PCDHA3: variants seen among roughly 807,000 people sequenced by gnomAD.
PCDHA3 encodes protocadherin alpha-3.
In PCDHA3, 41 loss-of-function variants were observed where a neutral mutation model predicts 62.2. The ratio of observed to expected loss-of-function variants is 0.66; its 90% CI spans 0.51 to 0.86. PCDHA3 has a LOEUF of 0.86. PCDHA3 is among the 40% of genes least tolerant of loss of function. The probability of loss-of-function intolerance (pLI) is 0.00; values close to 1 mark genes in which losing one functional copy is unlikely to be tolerated. For missense variants in PCDHA3, 1,304 were observed against 1,241.2 expected, an observed-to-expected ratio of 1.05 and a Z score of -0.76; for synonymous variants, 640 against 555.4, an observed-to-expected ratio of 1.15 and a Z score of -2.14.
chr5:140,882,658 G>A (rs2059245402), intron 1 of PCDHA3: 3 of 1,614,148 alleles, frequency 1.9e-6, no homozygotes, highest in Middle Eastern at 1.7e-4. Context: ...ACGACAACCC[G>A]CCCATATTCC....
In PCDHA3 at chr5:140,849,851, A is replaced by G. The variant is rs148732691; in HGVS notation, c.2394+46260A>G. 6 of 1,598,254 alleles carry G rather than the reference A, an allele frequency of 3.8e-6. 1 individual carries two copies. The highest frequency in any genetic ancestry group is 2.2e-5 in the East Asian group (1 of 44,844). On this transcript the variant is annotated intron_variant, in intron 1 of 3. Coordinates refer to ENST00000522353, the MANE Select transcript of PCDHA3 (RefSeq NM_018906.3). ...AGGTGGCCGACGTGAACGACAACGC[A>G]CCAGCGTTCGCGCAGTCCGAGTACA...
At chr5:140,843,068 C>G in intron 1 of PCDHA3, 1 of 1,595,216 alleles carries the variant, frequency 6.3e-7, no homozygotes, top group East Asian at 2.2e-5. Context: ...GCTGGTGCCG[C>G]GGTCTGTGGG....
At chr5:140,863,397 C>T in intron 1 of PCDHA3, 1 of 873,170 alleles carries the variant, frequency 1.1e-6, no homozygotes, top group Admixed American at 1.9e-5. Flanking sequence ...GCATGCCGGG[C>T]AAGCCCACGC....
chr5:140,939,903 CT>C (rs1485545948), intron 1 of PCDHA3, among the ~76,000 whole-genome samples: 1 of 152,046 alleles, frequency 6.6e-6, no homozygotes, highest in Non-Finnish European at 1.5e-5. Context: ...ATTCTGCATT[CT>C]TTTTTATTCT....
At chr5:140,881,471 G>T (rs1420508750) in intron 1 of PCDHA3, 1 of 555,772 alleles carries the variant, frequency 1.8e-6, no homozygotes, top group Non-Finnish European at 2.3e-6. Flanking sequence ...CATTGTTGTG[G>T]CTAAATTATT....
At chr5:140,873,642 G>A (rs1217578025) in intron 1 of PCDHA3, among the ~76,000 whole-genome samples, 1 of 152,154 alleles carries the variant, frequency 6.6e-6, no homozygotes, top group Non-Finnish European at 1.5e-5. Flanking sequence ...GAGTATGTGA[G>A]AACTACATAA....
intron 1 of PCDHA3, among the ~76,000 whole-genome samples, chr5:140,938,890 C>T (rs979482011): frequency 5.9e-5 from 9 of 152,080 alleles, no homozygotes; most frequent in Non-Finnish European, 8.8e-5. Flanking sequence ...CACACACACA[C>T]AGATGCGCAC....
intron 3 of PCDHA3, among the ~76,000 whole-genome samples, chr5:140,988,599 G>A (rs782117836): frequency 6.6e-6 from 1 of 152,154 alleles, no homozygotes; most frequent in Non-Finnish European, 1.5e-5. Flanking sequence ...TAATGGTCAT[G>A]TAAATAAAAG....
At chr5:140,927,343 G>T (rs2084109180) in intron 1 of PCDHA3, 2 of 1,614,016 alleles carry the variant, frequency 1.2e-6, no homozygotes, top group East Asian at 4.5e-5. Flanking sequence ...TGCCCAAGAT[G>T]ACGACGAGGG....
chr5:140,823,839 C>A (rs2150129665), intron 1 of PCDHA3: 2 of 1,613,784 alleles, frequency 1.2e-6, no homozygotes, highest in Non-Finnish European at 1.7e-6. Flanking sequence ...CTGTGGGTCC[C>A]GAGGCTGCCC....
chr5:141,000,403 A>C (rs1233777704), intron 3 of PCDHA3, among the ~76,000 whole-genome samples: 120 of 84,052 alleles, frequency 1.4e-3, no homozygotes, highest in East Asian at 4.6e-3. Context: ...CTCTATATAT[A>C]TATATATATA....
At position 140,863,376 on chromosome 5, in the gene PCDHA3, C is replaced by A. The variant is rs781824830; in HGVS notation, c.2394+59785C>A. The A allele has an allele frequency of 5.3e-6, 6 of 1,123,238 alleles. No individual in the cohort carries two copies. The Admixed American group carries it at 5.5e-5, about 10-fold the overall frequency. 69.6% of individuals were successfully genotyped at this position (1,123,238 alleles called of 1,614,324 possible). On this transcript the variant is annotated intron_variant, in intron 1 of 3. Transcript: ENST00000522353. ...CGCTGCGGTGCTTGGCGCAGCTCAC[C>A]GAGAGCTCGTGCATGCCGGGCAAGC... is the stretch of plus-strand genomic sequence containing the variant.
At chr5:140,830,240 C>T (rs2150183319) in intron 1 of PCDHA3, 2 of 1,613,944 alleles carry the variant, frequency 1.2e-6, no homozygotes, top group Non-Finnish European at 1.7e-6. Flanking sequence ...CACGCTACTG[C>T]TGTACACAGC....
At chr5:140,982,807 G>A (rs2097006971) in intron 3 of PCDHA3, among the ~76,000 whole-genome samples, 2 of 152,048 alleles carry the variant, frequency 1.3e-5, no homozygotes, top group South Asian at 4.1e-4. Flanking sequence ...GTGTGTGTGT[G>A]TGTATGAAGT....
chr5:140,896,485 C>T (rs1259028670), intron 1 of PCDHA3, among the ~76,000 whole-genome samples: 1 of 152,032 alleles, frequency 6.6e-6, no homozygotes, highest in African/African-American at 2.4e-5. Flanking sequence ...GCCTCAGCCT[C>T]CTGAGTAGCT....
intron 1 of PCDHA3, chr5:140,856,802 GA>G (rs782128453): frequency 1.3e-6 from 2 of 1,595,592 alleles, no homozygotes; most frequent in East Asian, 4.5e-5. Context: ...TAAGATGTAT[GA>G]AAATCAAGTG....
intron 1 of PCDHA3, among the ~76,000 whole-genome samples, chr5:140,933,534 ATAATGT>A (rs1401849089): frequency 6.6e-6 from 1 of 152,102 alleles, no homozygotes; most frequent in Non-Finnish European, 1.5e-5. Context: ...TAAACTCAAA[ATAATGT>A]TAATATAAAA....
chr5:141,008,362 G>A (rs2098372939), intron 3 of PCDHA3, among the ~76,000 whole-genome samples: 1 of 152,172 alleles, frequency 6.6e-6, no homozygotes, highest in Non-Finnish European at 1.5e-5. Flanking sequence ...AACCAAAGGA[G>A]CAGTGTTAGA....
chr5:140,850,192 T>C lies in PCDHA3; in HGVS notation c.2394+46601T>C. 1.3e-6 allele frequency: 2 copies of C among 1,593,512 alleles called. 1 individual carries two copies. The highest frequency in any genetic ancestry group is 1.7e-6 in the Non-Finnish European group (2 of 1,167,634). On this transcript the variant is annotated intron_variant, in intron 1 of 3. Transcript: ENST00000522353. ...GAGAACGACAATGCGCCGGCGCTGC[T>C]GACACCTCGGATGAGGGGCACTGAC...
Sources: gnomAD v4.1 joint callset for allele counts (sites outside exome capture counted in the v4.1 genomes callset) on GRCh38, gnomAD v4.1.1 for gene constraint, MANE v1.5 for transcripts, NCBI Gene and HGNC (gene_info 2026-07-23, HGNC 2026-07-21) for gene names.